The following ARID2 variants were observed in gnomAD, a reference collection of about 807,000 sequenced individuals.
The protein encoded by ARID2 is AT-rich interaction domain 2, also known as AT-rich interactive domain-containing protein 2.
ARID2 carries 32 observed loss-of-function variants against 184.6 expected under a neutral mutation model. The observed-to-expected ratio is 0.17, with a 90% CI of 0.13 to 0.23. The LOEUF is 0.23. Among genes scored for constraint, ARID2 ranks in the 10% least tolerant of loss-of-function variants. The pLI is 1.00. For missense variants in ARID2, 1,696 were observed against 2,197.6 expected, an observed-to-expected ratio of 0.77 and a Z score of 4.56; for synonymous variants, 836 against 772.6, an observed-to-expected ratio of 1.08 and a Z score of -1.36.
intron 3 of ARID2, among the ~76,000 whole-genome samples, chr12:45,773,397 G>T (rs1039851399): frequency 6.6e-6 from 1 of 151,898 alleles, no homozygotes; most frequent in African/African-American, 2.4e-5. Context: ...GAAGGTTCAA[G>T]AAGAAATTAA....
intron 16 of ARID2, among the ~76,000 whole-genome samples, chr12:45,888,216 A>G (rs1433262759): frequency 6.6e-6 from 1 of 152,086 alleles, no homozygotes; most frequent in African/African-American, 2.4e-5. Flanking sequence ...AAAAGCTCTA[A>G]TGAAATGAAC....
At chr12:45,791,493 TTA>T (rs1484312493) in intron 3 of ARID2, among the ~76,000 whole-genome samples, 1 of 152,224 alleles carries the variant, frequency 6.6e-6, no homozygotes, top group African/African-American at 2.4e-5. Context: ...CAACTGTCTA[TTA>T]ATATGTGTGA....
intron 3 of ARID2, among the ~76,000 whole-genome samples, chr12:45,750,285 G>A (rs1054342454): frequency 3.3e-5 from 5 of 152,176 alleles, no homozygotes; most frequent in Admixed American, 2.0e-4. Context: ...AACACACACA[G>A]TATTTATTAA....
chr12:45,882,932 A>G (rs1184511397), intron 16 of ARID2, among the ~76,000 whole-genome samples: 3 of 152,236 alleles, frequency 2.0e-5, no homozygotes, highest in African/African-American at 7.2e-5. Context: ...GCTTGATTCT[A>G]AAGTCATCAG....
chr12:45,786,314 A>G (rs897803115), intron 3 of ARID2, among the ~76,000 whole-genome samples: 23 of 152,256 alleles, frequency 1.5e-4, no homozygotes, highest in African/African-American at 5.5e-4. Context: ...GTATGGATTT[A>G]TCCTTATAAG....
intron 3 of ARID2, among the ~76,000 whole-genome samples, chr12:45,738,095 A>C (rs1349865209): frequency 6.6e-6 from 1 of 151,740 alleles, no homozygotes; most frequent in South Asian, 2.1e-4. Context: ...TTTTTTTCTC[A>C]TAGAACTTTA....
Position 45,815,808 on chromosome 12 carries a change from ACAC to A in ARID2, c.419-1855_419-1853del, listed in dbSNP as rs1942794589. ...TTCCAAACAGCTAGGATTACAGCACACACCACCACAACTAGCTAAATGTTAAAT... is the reference window on the plus strand; with the variant it reads ...TTCCAAACAGCTAGGATTACAGCACACACCACAACTAGCTAAATGTTAAAT... On this transcript the variant is annotated intron_variant, in intron 4 of 20. Coordinates refer to ENST00000334344, the MANE Select transcript of ARID2 (RefSeq NM_152641.4). Among the ~76,000 whole-genome samples the A allele has an allele frequency of 3.9e-5, 6 of 152,196 alleles. No homozygotes were observed. In the South Asian group the frequency reaches 1.2e-3, roughly 32 times the overall value.
chr12:45,730,277 C>T, intron 2 of ARID2, 140 bp downstream of exon 2: 2 of 675,290 alleles, frequency 3.0e-6, no homozygotes, highest in Non-Finnish European at 4.4e-6. Flanking sequence ...GCCGGTGGCA[C>T]GGAGGCGGAC....
At chr12:45,765,547 T>C (rs1271228128) in intron 3 of ARID2, among the ~76,000 whole-genome samples, 2 of 152,132 alleles carry the variant, frequency 1.3e-5, no homozygotes, top group Non-Finnish European at 2.9e-5. Context: ...TTTTGTGAGT[T>C]CTTCAAAATA....
chr12:45,782,352 C>T (rs536047895), intron 3 of ARID2, among the ~76,000 whole-genome samples: 14 of 152,178 alleles, frequency 9.2e-5, no homozygotes, highest in Admixed American at 2.6e-4. Flanking sequence ...CTGAATCAAG[C>T]TGGGCACGGT....
intron 3 of ARID2, among the ~76,000 whole-genome samples, chr12:45,777,887 C>G (rs1026047614): frequency 2.7e-5 from 4 of 150,766 alleles, no homozygotes; most frequent in African/African-American, 9.7e-5. Flanking sequence ...ACAAACTGGA[C>G]TATTTAGTAA....
At chr12:45,843,968 A>G (rs1943397880) in intron 11 of ARID2, among the ~76,000 whole-genome samples, 1 of 152,110 alleles carries the variant, frequency 6.6e-6, no homozygotes, top group African/African-American at 2.4e-5. Context: ...TAACAGTTGA[A>G]TTTGCCATGA....
intron 3 of ARID2, among the ~76,000 whole-genome samples, chr12:45,745,580 C>T (rs1941339154): frequency 6.6e-6 from 1 of 152,178 alleles, no homozygotes; most frequent in African/African-American, 2.4e-5. Flanking sequence ...CAAAGTCTCA[C>T]TATGTCACCC....
chr12:45,839,151 G>T (rs554851253), intron 10 of ARID2, among the ~76,000 whole-genome samples, 178 bp from the exon 11 acceptor site: 1 of 151,604 alleles, frequency 6.6e-6, no homozygotes, highest in South Asian at 2.1e-4. Flanking sequence ...GGTGTGAGCC[G>T]CCACGCCCAG....
chr12:45,801,036 A>G (rs1013128461), intron 3 of ARID2, among the ~76,000 whole-genome samples: 93 of 152,210 alleles, frequency 6.1e-4, no homozygotes, highest in African/African-American at 2.2e-3. Flanking sequence ...GGAGTTAGAA[A>G]AATTACTTTC....
At chr12:45,795,279 C>T (rs1485660893) in intron 3 of ARID2, among the ~76,000 whole-genome samples, 1 of 152,018 alleles carries the variant, frequency 6.6e-6, no homozygotes, top group African/African-American at 2.4e-5. Flanking sequence ...ACAATCACCT[C>T]AAGTCTACTC....
intron 3 of ARID2, 47 bp downstream of exon 3, chr12:45,731,361 T>C (rs751593644): frequency 5.0e-6 from 7 of 1,387,182 alleles, no homozygotes; most frequent in African/African-American, 2.9e-5. Flanking sequence ...AAGGGACTTA[T>C]GGAGAGATTT....
chr12:45,817,976 A>T (rs1032637991), intron 5 of ARID2, 88 bp downstream of exon 5: 33 of 929,428 alleles, frequency 3.6e-5, no homozygotes, highest in Non-Finnish European at 4.8e-5. Context: ...TTTGTTTGTC[A>T]ACATAATAGC....
chr12:45,893,887 T>A, intron 20 of ARID2, 166 bp downstream of exon 20: 1 of 506,262 alleles, frequency 2.0e-6, no homozygotes, highest in Non-Finnish European at 3.3e-6. Context: ...CTCTTAAAAG[T>A]CAAAAATAAA....
Sources: allele counts gnomAD v4.1 joint callset (sites outside exome capture counted in the v4.1 genomes callset), GRCh38; gene constraint gnomAD v4.1.1; transcripts MANE v1.5; gene names NCBI Gene and HGNC (gene_info 2026-07-23, HGNC 2026-07-21).